Variants in NEBL observed in about 807,000 individuals in gnomAD.
NEBL encodes the protein LIM and SH3 protein 2.
In NEBL, 122 loss-of-function variants were observed where a neutral mutation model predicts 140.2. The ratio of observed to expected loss-of-function variants is 0.87; its 90% CI spans 0.75 to 1.01. The LOEUF is 1.01. Ranked by LOEUF, NEBL falls within the 50% of genes least tolerant of loss-of-function variation. The pLI is 0.00. For missense variants in NEBL, 1,365 were observed against 1,231.3 expected, an observed-to-expected ratio of 1.11 and a Z score of -1.62; for synonymous variants, 436 against 398.9, an observed-to-expected ratio of 1.09 and a Z score of -1.11.
At chr10:21,180,018 T>G (rs1402272303) in intron 3 of NEBL, among the ~76,000 whole-genome samples, 2 of 151,968 alleles carry the variant, frequency 1.3e-5, no homozygotes, top group Non-Finnish European at 2.9e-5. Flanking sequence ...GCACTTGTAA[T>G]CCTAGATACT....
intron 1 of NEBL, chr10:21,172,481 G>GGA: frequency 1.4e-6 from 2 of 1,385,260 alleles, no homozygotes; most frequent in South Asian, 1.2e-5. Flanking sequence ...GCCAATACTG[G>GGA]AAAAAAAAAA....
chr10:20,846,937 T>C (rs979854124), intron 11 of NEBL, among the ~76,000 whole-genome samples: 8 of 152,120 alleles, frequency 5.3e-5, no homozygotes, highest in Non-Finnish European at 1.0e-4. Context: ...ATTTAAAGAT[T>C]TCCTCCAGAA....
At chr10:21,175,695 C>A (rs548038980), upstream of NEBL, among the ~76,000 whole-genome samples, 3 of 152,324 alleles carry the variant, frequency 2.0e-5, no homozygotes, top group South Asian at 6.2e-4. Flanking sequence ...GTTCACAAGT[C>A]CACCTCAAAA....
chr10:21,145,675 G>A (rs981123244), intron 2 of NEBL, among the ~76,000 whole-genome samples: 3 of 152,304 alleles, frequency 2.0e-5, no homozygotes, highest in Admixed American at 1.3e-4. Flanking sequence ...GTTATGACCT[G>A]CCGAACATCC....
At chr10:20,830,011 C>T (rs1448983323) in intron 16 of NEBL, among the ~76,000 whole-genome samples, 1 of 152,122 alleles carries the variant, frequency 6.6e-6, no homozygotes, top group Non-Finnish European at 1.5e-5. Flanking sequence ...AATGCATTGA[C>T]TTAGGATTTT....
In NEBL at chr10:20,831,498, TTA is replaced by T. The variant is rs1564364144; in HGVS notation, c.1533_1534del (p.Lys512GlufsTer18). Reference sequence around the variant, plus strand: ...CTGGCTGGCCATCTCGGATGCTTTCTTAGCTCTCTGGACATCAAGAGTGTCTG... The same window carrying T: ...CTGGCTGGCCATCTCGGATGCTTTCTGCTCTCTGGACATCAAGAGTGTCTG... On this transcript the variant is annotated frameshift_variant, in exon 15 of 28. Transcript: ENST00000377122. LOFTEE classifies it high-confidence loss of function. The T allele has an allele frequency of 3.1e-6, 5 of 1,611,772 alleles. No individual in the cohort carries two copies. The highest frequency in any genetic ancestry group is 4.2e-6 in the Non-Finnish European group (5 of 1,178,874).
chr10:21,221,378 T>A (rs1026382695), intron 3 of NEBL, among the ~76,000 whole-genome samples: 2 of 152,136 alleles, frequency 1.3e-5, no homozygotes, highest in African/African-American at 4.8e-5. Context: ...TGATGAGAGC[T>A]AAGCCCCTGC....
chr10:20,894,858 G>A (rs1314087677), intron 2 of NEBL, among the ~76,000 whole-genome samples: 1 of 150,442 alleles, frequency 6.6e-6, no homozygotes, highest in Non-Finnish European at 1.5e-5. Flanking sequence ...GAACCCAGGA[G>A]GCGGAGCTTG....
At chr10:21,029,474 A>T (rs1393272113) in intron 2 of NEBL, 3 of 1,611,540 alleles carry the variant, frequency 1.9e-6, no homozygotes, top group South Asian at 1.1e-5. Flanking sequence ...CTCAATTAAG[A>T]GTCTCTAGGT....
At chr10:20,866,174 C>CT (rs2131204796) in intron 7 of NEBL, among the ~76,000 whole-genome samples, 1 of 152,180 alleles carries the variant, frequency 6.6e-6, no homozygotes, top group East Asian at 1.9e-4. Context: ...TCTGAAATCA[C>CT]TTTTTTATCA....
chr10:21,014,524 T>C (rs150300572), intron 3 of NEBL, among the ~76,000 whole-genome samples: 63 of 152,318 alleles, frequency 4.1e-4, no homozygotes, highest in African/African-American at 1.4e-3. Flanking sequence ...GGACAGTCAA[T>C]GGAGTTCTTC....
At chr10:21,255,716 G>A (rs1038750241) in intron 1 of NEBL, among the ~76,000 whole-genome samples, 6 of 151,946 alleles carry the variant, frequency 3.9e-5, no homozygotes, top group Non-Finnish European at 7.4e-5. Context: ...ATTCATCTCC[G>A]GCTGGGCGCG....
At chr10:21,198,198 A>G (rs1236622382) in intron 3 of NEBL, among the ~76,000 whole-genome samples, 1 of 152,116 alleles carries the variant, frequency 6.6e-6, no homozygotes, top group African/African-American at 2.4e-5. Context: ...CTGCCTGGAT[A>G]TTCCTAAATC....
At chr10:21,189,993 C>A (rs1322859268) in intron 3 of NEBL, among the ~76,000 whole-genome samples, 1 of 152,074 alleles carries the variant, frequency 6.6e-6, no homozygotes, top group African/African-American at 2.4e-5. Context: ...AGACATCATC[C>A]CAGAATTGAG....
intron 2 of NEBL, among the ~76,000 whole-genome samples, chr10:20,892,243 G>A (rs1165090165): frequency 2.6e-5 from 4 of 152,244 alleles, no homozygotes; most frequent in Admixed American, 2.0e-4. Flanking sequence ...TGTGACTTTA[G>A]TGGAAATCTT....
intron 3 of NEBL, among the ~76,000 whole-genome samples, chr10:21,011,380 G>A (rs913449940): frequency 6.6e-6 from 1 of 152,198 alleles, no homozygotes; most frequent in Non-Finnish European, 1.5e-5. Context: ...TTACAAGTCC[G>A]TACCACACGG....
intron 2 of NEBL, among the ~76,000 whole-genome samples, chr10:21,088,350 A>C (rs1315842915): frequency 6.6e-6 from 1 of 152,062 alleles, no homozygotes; most frequent in Non-Finnish European, 1.5e-5. Context: ...AAACATTTTA[A>C]TTATCTGGGT....
At chr10:21,244,026 T>C (rs767100862) in intron 3 of NEBL, among the ~76,000 whole-genome samples, 3 of 152,000 alleles carry the variant, frequency 2.0e-5, no homozygotes, top group Non-Finnish European at 4.4e-5. Flanking sequence ...GAAAGGCATG[T>C]TTTTTATCAA....
At chr10:21,198,988 A>ATTTATT (rs912849334) in intron 3 of NEBL, among the ~76,000 whole-genome samples, 4 of 148,288 alleles carry the variant, frequency 2.7e-5, no homozygotes, top group South Asian at 2.1e-4. Context: ...TCTACTTTTT[A>ATTTATT]TTTATTTTTA....
Sources: gnomAD v4.1 joint callset for allele counts (sites outside exome capture counted in the v4.1 genomes callset) on GRCh38, gnomAD v4.1.1 for gene constraint, MANE v1.5 for transcripts, NCBI Gene and HGNC (gene_info 2026-07-23, HGNC 2026-07-21) for gene names.